HMG20A: variants seen among roughly 807,000 people sequenced by gnomAD.
The protein encoded by HMG20A is high mobility group protein 20A.
Under a neutral mutation model 43.9 loss-of-function variants are expected in HMG20A, and 17 were observed. That is an observed-to-expected ratio of 0.39 (90% confidence interval 0.27 to 0.58). The LOEUF is 0.58. Ranked by LOEUF, HMG20A falls within the 20% of genes least tolerant of loss-of-function variation. HMG20A has a pLI of 0.59. For missense variants in HMG20A, 341 were observed against 438.2 expected (o/e 0.78, Z 1.98); for synonymous variants, 132 against 147.5 (o/e 0.89, Z 0.76).
intron 1 of HMG20A, among the ~76,000 whole-genome samples, chr15:77,426,052 A>G (rs12898506): frequency 0.077 from 11,682 of 152,296 alleles, 560 homozygotes; most frequent in Non-Finnish European, 0.1. Flanking sequence ...TTTATTTAAG[A>G]TGTCTAGATT....
At chr15:77,439,754 A>G (rs1055411967) in intron 1 of HMG20A, among the ~76,000 whole-genome samples, 4 of 152,154 alleles carry the variant, frequency 2.6e-5, no homozygotes, top group South Asian at 2.1e-4. Context: ...ATTACTAGGA[A>G]TGGAGTTGCT....
Position 77,460,863 on chromosome 15 carries a change from G to A in HMG20A, c.89+2367G>A, listed in dbSNP as rs566414795. On this transcript the variant is annotated intron_variant, in intron 2 of 9. Transcript: ENST00000336216. ...CAGTCAGGTGTGGTGGCACGTGCCT[G>A]TAATCTCAACTACTCGGGAGGTTGA... Among the ~76,000 whole-genome samples, 315 of 152,302 alleles carry A rather than the reference G, an allele frequency of 2.1e-3. 2 individuals are homozygous for A. The highest frequency in any genetic ancestry group is 6.8e-3 in the African/African-American group (281 of 41,546).
chr15:77,466,834 C>T (rs776286954), intron 3 of HMG20A, among the ~76,000 whole-genome samples: 17 of 152,122 alleles, frequency 1.1e-4, no homozygotes, highest in Non-Finnish European at 1.9e-4. Context: ...GAGATTAGCA[C>T]AAAAATAGCC....
At chr15:77,497,655 T>TAGAGAGAGAGAGAGAG in the HMG20A span, among the ~76,000 whole-genome samples, 63 of 127,984 alleles carry the variant, frequency 4.9e-4, no homozygotes, top group African/African-American at 1.9e-3. Context: ...GAGATATTAA[T>TAGAGAGAGAGAGAGAG]AGAGAGAGAG....
chr15:77,427,833 A>C (rs1185771874), intron 1 of HMG20A, among the ~76,000 whole-genome samples: 1 of 152,228 alleles, frequency 6.6e-6, no homozygotes, highest in African/African-American at 2.4e-5. Context: ...TGTGCTAGGC[A>C]CTACATGTTA....
chr15:77,463,544 AATAAG>A (rs1432148004), intron 2 of HMG20A, among the ~76,000 whole-genome samples: 3 of 152,200 alleles, frequency 2.0e-5, no homozygotes, highest in South Asian at 2.1e-4. Flanking sequence ...GTCCACATGT[AATAAG>A]ATAAGTCCAT....
At chr15:77,435,879 G>T (rs1005987085) in intron 1 of HMG20A, among the ~76,000 whole-genome samples, 1 of 149,698 alleles carries the variant, frequency 6.7e-6, no homozygotes, top group Non-Finnish European at 1.5e-5. Flanking sequence ...GCCTACCTCT[G>T]TTCATGTCCT....
At chr15:77,479,746 G>A (rs1372412879) in intron 9 of HMG20A, 2 of 154,252 alleles carry the variant, frequency 1.3e-5, no homozygotes, top group African/African-American at 4.8e-5. Flanking sequence ...AAGTGAGTGG[G>A]AAACTTAGAA....
chr15:77,502,170 G>A, the HMG20A span, among the ~76,000 whole-genome samples: 2 of 152,182 alleles, frequency 1.3e-5, no homozygotes, highest in African/African-American at 4.8e-5. Flanking sequence ...AAAGTTGTAT[G>A]AAATACGGCC....
chr15:77,425,387 G>A (rs1394991690), intron 1 of HMG20A, among the ~76,000 whole-genome samples: 1 of 152,188 alleles, frequency 6.6e-6, no homozygotes, highest in Non-Finnish European at 1.5e-5. Flanking sequence ...TGACAAAACT[G>A]ATCAATAACT....
chr15:77,468,166 A>C (rs936364236), intron 4 of HMG20A, among the ~76,000 whole-genome samples: 2 of 151,610 alleles, frequency 1.3e-5, no homozygotes, highest in African/African-American at 4.8e-5. Flanking sequence ...AGTAGAAAGC[A>C]GTGAATATCA....
Position 77,464,402 on chromosome 15 carries a change from C to T in HMG20A, c.237+15C>T. On this transcript the variant is annotated intron_variant, in intron 3 of 9. Coordinates refer to ENST00000336216, the MANE Select transcript of HMG20A (RefSeq NM_001304504.2). ...ATGAAGATGAGGTAAGCTGAAGTAT[C>T]TCCTTCTGTTCCTATCCTCTGAAAC... The T allele has an allele frequency of 6.2e-7, 1 of 1,612,208 alleles. No homozygotes were observed. Among genetic ancestry groups the T allele is most frequent in the African/African-American group, 1.3e-5 (1 of 74,956 alleles).
chr15:77,432,779 G>GT (rs2073501071), intron 1 of HMG20A, among the ~76,000 whole-genome samples: 1 of 144,554 alleles, frequency 6.9e-6, no homozygotes, highest in South Asian at 2.2e-4. Flanking sequence ...AAGACCAAAA[G>GT]TTGGTTCCTT....
chr15:77,505,601 A>G, the HMG20A span, among the ~76,000 whole-genome samples: 2 of 152,194 alleles, frequency 1.3e-5, no homozygotes, highest in African/African-American at 4.8e-5. Context: ...TTCAAGAAAT[A>G]CAGTGCAACC....
chr15:77,426,460 A>G (rs1161760090), intron 1 of HMG20A, among the ~76,000 whole-genome samples: 1 of 152,202 alleles, frequency 6.6e-6, no homozygotes, highest in South Asian at 2.1e-4. Flanking sequence ...TAAGGAAGAA[A>G]AAATATGTTT....
chr15:77,498,545 T>C, the HMG20A span, among the ~76,000 whole-genome samples: 1 of 152,184 alleles, frequency 6.6e-6, no homozygotes, highest in Non-Finnish European at 1.5e-5. Context: ...CCAGGGTTCC[T>C]GTAGCTCAGG....
At chr15:77,457,529 C>T (rs1421222926) in intron 1 of HMG20A, among the ~76,000 whole-genome samples, 1 of 152,174 alleles carries the variant, frequency 6.6e-6, no homozygotes, top group African/African-American at 2.4e-5. Context: ...GGGTGATGCC[C>T]TTTGTGGTAA....
At chr15:77,507,731 A>G in the HMG20A span, among the ~76,000 whole-genome samples, 1 of 152,140 alleles carries the variant, frequency 6.6e-6, no homozygotes, top group African/African-American at 2.4e-5. Flanking sequence ...ATGTCCAGGT[A>G]TTTCCTGTTC....
At chr15:77,450,505 C>G (rs1467234404) in intron 1 of HMG20A, among the ~76,000 whole-genome samples, 1 of 152,156 alleles carries the variant, frequency 6.6e-6, no homozygotes, top group Non-Finnish European at 1.5e-5. Context: ...CTCAGCCACC[C>G]ACATGTACAG....
Sources: gnomAD v4.1 joint callset for allele counts (sites outside exome capture counted in the v4.1 genomes callset) on GRCh38, gnomAD v4.1.1 for gene constraint, MANE v1.5 for transcripts, NCBI Gene and HGNC (gene_info 2026-07-23, HGNC 2026-07-21) for gene names.